The following ITSN1 variants were observed in gnomAD, a reference collection of about 807,000 sequenced individuals.
ITSN1 encodes the protein intersectin-1.
Under a neutral mutation model 239.8 loss-of-function variants are expected in ITSN1, and 58 were observed. The ratio of observed to expected loss-of-function variants is 0.24; its 90% CI spans 0.20 to 0.30. ITSN1 has a LOEUF of 0.30. ITSN1 is among the 10% of genes least tolerant of loss of function. The pLI is 1.00. For missense variants in ITSN1, 1,558 were observed against 2,103.3 expected, an observed-to-expected ratio of 0.74 and a Z score of 5.07; for synonymous variants, 780 against 770.8, an observed-to-expected ratio of 1.01 and a Z score of -0.20.
chr21:33,868,634 C>T (rs1361910173), intron 33 of ITSN1, among the ~76,000 whole-genome samples: 1 of 152,228 alleles, frequency 6.6e-6, no homozygotes, highest in Non-Finnish European at 1.5e-5. Context: ...CAAGCCCACG[C>T]CCACCCGGAA....
chr21:33,805,992 A>G (rs990551805), intron 20 of ITSN1, among the ~76,000 whole-genome samples: 7 of 141,086 alleles, frequency 5.0e-5, no homozygotes, highest in African/African-American at 1.8e-4. Context: ...TCACAAGGTC[A>G]GGAGATTGAG....
chr21:33,774,099 A>T (rs2069399603), intron 12 of ITSN1, among the ~76,000 whole-genome samples: 1 of 152,212 alleles, frequency 6.6e-6, no homozygotes, highest in Non-Finnish European at 1.5e-5. Context: ...TTTATTCAGA[A>T]TTATTTAATA....
At chr21:33,653,265 G>T (rs1045947061) in intron 1 of ITSN1, among the ~76,000 whole-genome samples, 1 of 152,162 alleles carries the variant, frequency 6.6e-6, no homozygotes, top group Admixed American at 6.5e-5. Context: ...AAAGTGCTGG[G>T]ATTACAGGCG....
Position 33,865,034 on chromosome 21 carries a change from T to C in ITSN1, c.3891-117T>C, listed in dbSNP as rs1981316067. Reference sequence around the variant, plus strand: ...TTCCTTGTCTCCCAAATAGATCCTTTAGTGGCCCTTAAGGCTGTGCCCCTC... The same window carrying C: ...TTCCTTGTCTCCCAAATAGATCCTTCAGTGGCCCTTAAGGCTGTGCCCCTC... On this transcript the variant is annotated intron_variant, in intron 31 of 39. Coordinates refer to ENST00000381318, the MANE Select transcript of ITSN1 (RefSeq NM_003024.3). This position sits in a 1 kb window ranked among gnomAD's most constrained non-coding sequence, Gnocchi z 4.4. 2 of 887,234 alleles carry C rather than the reference T, an allele frequency of 2.3e-6. No homozygotes were observed. Among genetic ancestry groups the C allele is most frequent in the Non-Finnish European group, 3.3e-6 (2 of 599,202 alleles). The allele number at this position is 887,234 out of a possible 1,614,324, so 55.0% of individuals were successfully genotyped here.
rs747485694 is a variant in ITSN1, at chr21:33,782,081, A to G, written c.1772A>G (p.Lys591Arg). ...CGAGACCAACTGGATGAAGTGGAGA[A>G]AGAAACTAGATCAAAACTACAGGAG... ...HLRDQLDEVE[K>R]ETRSKLQEID... The change falls in exon 16 of 40, where the codon AAA becomes AGA. Residue 591 changes from lysine to arginine, a missense_variant. Physicochemically the swap from Lys to Arg is conservative, Grantham distance 26. Transcript: ENST00000381318. 1 of 1,613,996 alleles carries G rather than the reference A, an allele frequency of 6.2e-7. No homozygotes were observed. Among genetic ancestry groups the G allele is most frequent in the Non-Finnish European group, 8.5e-7 (1 of 1,179,864 alleles).
At chr21:33,653,545 C>CA (rs1318119914) in intron 1 of ITSN1, among the ~76,000 whole-genome samples, 6 of 151,772 alleles carry the variant, frequency 4.0e-5, no homozygotes, top group Admixed American at 1.3e-4. Flanking sequence ...TTTTTTGAGA[C>CA]AGAGTCTCGC....
At chr21:33,743,053 CAGAA>C (rs1288110580) in intron 5 of ITSN1, among the ~76,000 whole-genome samples, 2 of 151,616 alleles carry the variant, frequency 1.3e-5, no homozygotes, top group Non-Finnish European at 1.5e-5. Context: ...AATAAGGTGA[CAGAA>C]AGAATGAGAA....
Position 33,898,483 on chromosome 21 carries a change from T to C in ITSN1, c.*10183T>C, listed in dbSNP as rs1204449039. 1.3e-5 allele frequency: 2 copies of C among 152,234 alleles called. No individual in the cohort carries two copies. Among genetic ancestry groups the C allele is most frequent in the Non-Finnish European group, 2.9e-5 (2 of 68,038 alleles). The allele number at this position is 152,234 out of a possible 1,614,324, so 9.4% of individuals were successfully genotyped here. ...CTTCTGGGGCACAGACTTTCTGTAC[T>C]TGGCCACCAGAAGTGCCCCTTAGGC... On this transcript the variant is annotated 3_prime_UTR_variant, in exon 40 of 40. Transcript: ENST00000381318.
intron 16 of ITSN1, among the ~76,000 whole-genome samples, chr21:33,791,118 C>T (rs2071093007): frequency 6.6e-6 from 1 of 152,178 alleles, no homozygotes; most frequent in Non-Finnish European, 1.5e-5. Flanking sequence ...AGCTTATCAA[C>T]TTAGAAATCA....
At chr21:33,805,873 C>T (rs1436032493) in intron 20 of ITSN1, among the ~76,000 whole-genome samples, 1 of 148,962 alleles carries the variant, frequency 6.7e-6, no homozygotes, top group East Asian at 2.0e-4. Context: ...GGGGTTTCAC[C>T]GTGTTAGCCA....
chr21:33,657,514 G>A (rs1302097856), intron 1 of ITSN1, among the ~76,000 whole-genome samples: 2 of 152,106 alleles, frequency 1.3e-5, no homozygotes. Flanking sequence ...GTCTTCCACG[G>A]CAGTCATTTT....
intron 1 of ITSN1, among the ~76,000 whole-genome samples, chr21:33,670,214 G>C (rs1036688159): frequency 6.6e-6 from 1 of 152,194 alleles, no homozygotes; most frequent in East Asian, 1.9e-4. Flanking sequence ...AATTAGCCAG[G>C]GGTGGTGACA....
intron 1 of ITSN1, among the ~76,000 whole-genome samples, chr21:33,667,800 A>G (rs1186656793): frequency 2.6e-5 from 4 of 152,146 alleles, no homozygotes; most frequent in Non-Finnish European, 1.5e-5. Flanking sequence ...CCTTATGTAC[A>G]TTGTATAATA....
intron 1 of ITSN1, among the ~76,000 whole-genome samples, chr21:33,712,911 C>T (rs2092455491): frequency 6.6e-6 from 1 of 152,130 alleles, no homozygotes; most frequent in South Asian, 2.1e-4. Context: ...GAGTCTTGCT[C>T]TTGCTGCCCA....
rs751534711 is a variant in ITSN1 at position 33,867,251 on chromosome 21, C to A, written c.4093C>A (p.Arg1365=). 6.2e-7 allele frequency: 1 copy of A among 1,607,204 alleles called. No individual in the cohort carries two copies. Among genetic ancestry groups the A allele is most frequent in the Non-Finnish European group, 8.5e-7 (1 of 1,173,878 alleles). ...EFVKRLAMDP[R]CKGMPLSSFI... ...ATTTCAGAGATTGGCAATGGATCCT[C>A]GGTGTAAAGGGATGCCACTCTCTAG... Residue 1365 remains arginine (R), a synonymous_variant, in exon 33 of 40, where the codon CGG becomes AGG. Coordinates refer to ENST00000381318, the MANE Select transcript of ITSN1 (RefSeq NM_003024.3).
At chr21:33,813,854 T>G in intron 21 of ITSN1, 59 bp from the exon 22 acceptor site, 9 of 1,429,646 alleles carry the variant, frequency 6.3e-6, no homozygotes, top group South Asian at 4.4e-5. Flanking sequence ...TTACTGTGGG[T>G]AAAAAGCTGG....
intron 7 of ITSN1, among the ~76,000 whole-genome samples, chr21:33,752,344 A>C (rs748790089): frequency 6.8e-6 from 1 of 146,178 alleles, no homozygotes; most frequent in Non-Finnish European, 1.5e-5. Context: ...AATCTTGTGG[A>C]GTTTATATGG....
At chr21:33,798,793 T>C (rs1230793472) in intron 18 of ITSN1, among the ~76,000 whole-genome samples, 1 of 152,182 alleles carries the variant, frequency 6.6e-6, no homozygotes, top group Non-Finnish European at 1.5e-5. Flanking sequence ...TGCCTTCAGA[T>C]GCATGCAGTC....
intron 34 of ITSN1, among the ~76,000 whole-genome samples, chr21:33,877,775 T>A (rs923682304): frequency 6.6e-6 from 1 of 152,170 alleles, no homozygotes. Context: ...CCAAGGTTCC[T>A]ATTTTCATTC....
Sources: gnomAD v4.1 joint callset for allele counts (sites outside exome capture counted in the v4.1 genomes callset) on GRCh38, gnomAD v4.1.1 for gene constraint, Gnocchi (gnomAD v3.1) non-coding constraint, MANE v1.5 for transcripts, NCBI Gene and HGNC (gene_info 2026-07-23, HGNC 2026-07-21) for gene names.